The following SCN3B variants were observed in gnomAD, a reference collection of about 807,000 sequenced individuals.
SCN3B encodes sodium voltage-gated channel beta subunit 3, also known as sodium channel regulatory subunit beta-3.
SCN3B carries 11 observed loss-of-function variants against 25.4 expected under a neutral mutation model. The observed-to-expected ratio is 0.43, with a 90% CI of 0.27 to 0.72. The LOEUF (loss-of-function observed/expected upper bound fraction) is 0.72. Among genes scored for constraint, SCN3B ranks in the 30% least tolerant of loss-of-function variants. SCN3B has a pLI of 0.18. For synonymous variants in SCN3B, 109 were observed against 110.7 expected, an observed-to-expected ratio of 0.99 and a Z score of 0.09; for missense variants, 218 against 278.3, an observed-to-expected ratio of 0.78 and a Z score of 1.54.
intron 2 of SCN3B, among the ~76,000 whole-genome samples, chr11:123,648,103 G>T (rs2137250135): frequency 6.6e-6 from 1 of 152,330 alleles, no homozygotes; most frequent in South Asian, 2.1e-4. Flanking sequence ...TATGCAGCAA[G>T]AACTCCGTGT....
At chr11:123,639,842 A>T (rs1955767362) in intron 4 of SCN3B, 1 of 152,236 alleles carries the variant, frequency 6.6e-6, no homozygotes, top group Non-Finnish European at 1.5e-5. Flanking sequence ...TGAATGAGTG[A>T]AAATAAATAT....
intron 2 of SCN3B, among the ~76,000 whole-genome samples, chr11:123,652,482 G>A (rs1232301898): frequency 6.6e-6 from 1 of 152,172 alleles, no homozygotes; most frequent in East Asian, 1.9e-4. Flanking sequence ...GTTAGTCCTG[G>A]AGGCTTGAAA....
chr11:123,651,828 C>T (rs113461117), intron 2 of SCN3B, among the ~76,000 whole-genome samples: 9 of 152,138 alleles, frequency 5.9e-5, no homozygotes, highest in African/African-American at 1.7e-4. Flanking sequence ...TTTTTGGGGT[C>T]GGGGAGGGGA....
chr11:123,650,521 G>A (rs1190742662), intron 2 of SCN3B, among the ~76,000 whole-genome samples: 1 of 152,188 alleles, frequency 6.6e-6, no homozygotes, highest in Non-Finnish European at 1.5e-5. Context: ...ACCAGGGGAA[G>A]AGAGGAAAAC....
In SCN3B at chr11:123,639,765, T is replaced by G. The variant is rs959167628; in HGVS notation, c.446-1441A>C. 3.9e-5 allele frequency: 6 copies of G among 152,348 alleles called. No individual in the cohort carries two copies. The East Asian group carries it at 7.7e-4, about 20-fold the overall frequency. 9.4% of individuals were successfully genotyped at this position (152,348 alleles called of 1,614,324 possible). ...GGACTGTGTGCTTATTGAGAACATA[T>G]TTATTTCTGGATTATCTGCCTGCTG... On this transcript the variant is annotated intron_variant, in intron 4 of 6. Coordinates refer to ENST00000299333, the MANE Select transcript of SCN3B (RefSeq NM_001040151.2).
intron 1 of SCN3B, 177 bp from the exon 2 acceptor site, chr11:123,654,003 G>A: frequency 1.6e-6 from 1 of 610,886 alleles, no homozygotes; most frequent in Non-Finnish European, 2.9e-6. Context: ...GGCCCTAAGC[G>A]ACCCCACTGG....
chr11:123,644,195 A>G (rs967814128), intron 3 of SCN3B, among the ~76,000 whole-genome samples: 1 of 152,224 alleles, frequency 6.6e-6, no homozygotes, highest in East Asian at 1.9e-4. Context: ...TTCTGTGTCT[A>G]TCTTTTCTCT....
Position 123,629,277 on chromosome 11 carries a change from C to G in SCN3B, c.*4522G>C, listed in dbSNP as rs918412035. ...TTACGTTGTTGAGGGCTTAGGTGGT[C>G]AGGAACATTTCCAGAGTTTGGATTG... On this transcript the variant is annotated 3_prime_UTR_variant, in exon 7 of 7. Coordinates refer to ENST00000299333, the MANE Select transcript of SCN3B (RefSeq NM_001040151.2). The G allele has an allele frequency of 7.9e-5, 12 of 152,166 alleles. No homozygotes were observed. The highest frequency in any genetic ancestry group is 2.9e-4 in the African/African-American group (12 of 41,430). 9.4% of individuals were successfully genotyped at this position (152,166 alleles called of 1,614,324 possible). A position where few individuals can be genotyped will look rare whatever the true frequency, so the allele number is the denominator to read the frequency against.
chr11:123,649,827 C>A (rs995992544), intron 2 of SCN3B, among the ~76,000 whole-genome samples: 3 of 152,080 alleles, frequency 2.0e-5, no homozygotes, highest in Non-Finnish European at 4.4e-5. Flanking sequence ...CCTCAGCCCC[C>A]TGAGTAGCTG....
chr11:123,636,727 T>G (rs1336561395), intron 5 of SCN3B, among the ~76,000 whole-genome samples: 1 of 151,906 alleles, frequency 6.6e-6, no homozygotes, highest in African/African-American at 2.4e-5. Flanking sequence ...GGAGTCTCGC[T>G]CTGTCGCCGA....
intron 3 of SCN3B, among the ~76,000 whole-genome samples, chr11:123,643,375 ACATAACAGC>A (rs769552079): frequency 6.6e-6 from 1 of 152,262 alleles, no homozygotes; most frequent in Non-Finnish European, 1.5e-5. Flanking sequence ...CCACCCTCTG[ACATAACAGC>A]CAAACTCATT....
intron 4 of SCN3B, among the ~76,000 whole-genome samples, chr11:123,641,417 C>A (rs746180092): frequency 1.3e-5 from 2 of 152,180 alleles, no homozygotes; most frequent in African/African-American, 4.8e-5. Context: ...ACTGAATCTC[C>A]GCTTCATTAT....
Position 123,634,208 on chromosome 11 carries a change from TA to T in SCN3B, c.585-3del, listed in dbSNP as rs762713932. The stretch of plus-strand genomic sequence containing the variant: ...GATGGGATGGCAAGGTAGTCAGACC[TA>T]TAGAGGACACAGGGAAAGGGAATCA... On this transcript the variant is annotated splice_polypyrimidine_tract_variant and splice_region_variant and intron_variant, in intron 5 of 6. Transcript: ENST00000299333. 7 of 1,613,098 alleles carry T rather than the reference TA, an allele frequency of 4.3e-6. No homozygotes were observed. In the Admixed American group the frequency reaches 1.2e-4, roughly 27 times the overall value.
At chr11:123,649,938 A>G (rs1246955848) in intron 2 of SCN3B, among the ~76,000 whole-genome samples, 1 of 152,162 alleles carries the variant, frequency 6.6e-6, no homozygotes, top group Non-Finnish European at 1.5e-5. Flanking sequence ...TTCTGACCTC[A>G]GGTGATCTAC....
intron 4 of SCN3B, 138 bp from the exon 5 acceptor site, chr11:123,638,462 T>G (rs569742198): frequency 8.3e-7 from 1 of 1,198,108 alleles, no homozygotes; most frequent in East Asian, 2.6e-5. Flanking sequence ...TTCCAAATCC[T>G]GACTCTCCCG....
In SCN3B at chr11:123,642,778, A is replaced by G. The variant is rs753313403; in HGVS notation, c.220-107T>C. On this transcript the variant is annotated intron_variant, in intron 3 of 6. Coordinates refer to ENST00000299333, the MANE Select transcript of SCN3B (RefSeq NM_001040151.2). The surrounding 1 kb of genome is among the most constrained non-coding windows in gnomAD (Gnocchi z 4.3). ...AAAAGGAGCAGAATTGTGCATGGAC[A>G]GGGAAGAGAGGGGACAATGCCACCG... 6 of 831,410 alleles carry G rather than the reference A, an allele frequency of 7.2e-6. No individual in the cohort carries two copies. In the African/African-American group the frequency reaches 8.4e-5, roughly 12 times the overall value. The allele number at this position is 831,410 out of a possible 1,614,324, so 51.5% of individuals were successfully genotyped here. A position where few individuals can be genotyped will look rare whatever the true frequency, so the allele number is the denominator to read the frequency against.
In SCN3B at chr11:123,653,828, T is replaced by C. The variant is rs1331018102; in HGVS notation, c.-25-2A>G. 2 of 1,613,690 alleles carry C rather than the reference T, an allele frequency of 1.2e-6. No homozygotes were observed. The highest frequency in any genetic ancestry group is 1.7e-6 in the Non-Finnish European group (2 of 1,179,548). ...TTCTGGGGCTGGCGGCTTCCAAGGC[T>C]ACACAGAGAGATTCCCTCGGTCAAG... On this transcript the variant is annotated splice_acceptor_variant, in intron 1 of 6. Coordinates refer to ENST00000299333, the MANE Select transcript of SCN3B (RefSeq NM_001040151.2). LOFTEE classifies it low-confidence loss of function (5UTR_SPLICE).
intron 1 of SCN3B, 52 bp from the exon 2 acceptor site, chr11:123,653,878 G>A: frequency 6.5e-7 from 1 of 1,542,892 alleles, no homozygotes; most frequent in East Asian, 2.2e-5. Flanking sequence ...AGATTCTTTC[G>A]AGGAAACCCT....
In SCN3B at chr11:123,642,332, C is replaced by T. The variant is rs1485281447; in HGVS notation, c.445+114G>A. 1.0e-6 allele frequency: 1 copy of T among 1,003,460 alleles called. No individual in the cohort carries two copies. The allele number at this position is 1,003,460 out of a possible 1,614,324, so 62.2% of individuals were successfully genotyped here. On this transcript the variant is annotated intron_variant, in intron 4 of 6. Coordinates refer to ENST00000299333, the MANE Select transcript of SCN3B (RefSeq NM_001040151.2). This position sits in a 1 kb window ranked among gnomAD's most constrained non-coding sequence, Gnocchi z 4.3. ...GTGACATTTTTAGATGTCACCATTC[C>T]AAATACATGGGTTTTTGCACTCTTT...
Sources: allele counts gnomAD v4.1 joint callset (sites outside exome capture counted in the v4.1 genomes callset), GRCh38; gene constraint gnomAD v4.1.1; non-coding constraint Gnocchi (gnomAD v3.1); transcripts MANE v1.5; gene names NCBI Gene and HGNC (gene_info 2026-07-23, HGNC 2026-07-21).